Variants in NAP1L4 observed in about 807,000 individuals in gnomAD.
NAP1L4 encodes the protein nucleosome assembly protein 1 like 4, also known as nucleosome assembly protein 1-like 4.
A neutral mutation model predicts 58.2 loss-of-function variants in NAP1L4; 15 were observed. The ratio of observed to expected loss-of-function variants is 0.26; its 90% CI spans 0.17 to 0.40. NAP1L4 has a LOEUF of 0.40. Ranked by LOEUF, NAP1L4 falls within the 10% of genes least tolerant of loss-of-function variation. The pLI is 1.00. For missense variants in NAP1L4, 384 were observed against 451.1 expected, an observed-to-expected ratio of 0.85 and a Z score of 1.35; for synonymous variants, 171 against 155.6, an observed-to-expected ratio of 1.10 and a Z score of -0.74.
At chr11:2,982,030 C>T (rs546900208) in intron 1 of NAP1L4, among the ~76,000 whole-genome samples, 2 of 152,290 alleles carry the variant, frequency 1.3e-5, no homozygotes, top group African/African-American at 2.4e-5. Flanking sequence ...GACTTCATAA[C>T]AATTGTTTAA....
rs547211355 is a variant in NAP1L4, at chr11:2,945,289, A to G, written c.*390T>C. On this transcript the variant is annotated 3_prime_UTR_variant, in exon 16 of 16. Coordinates refer to ENST00000380542, the MANE Select transcript of NAP1L4 (RefSeq NM_005969.4). The stretch of plus-strand genomic sequence containing the variant: ...CACCAGACCTCGGCCCTTTTTGCCA[A>G]GTGACCCCCACCCCACCCTGATGTG... The G allele has an allele frequency of 7.2e-6, 2 of 277,964 alleles. No individual in the cohort carries two copies. Among genetic ancestry groups the G allele is most frequent in the East Asian group, 1.2e-4 (2 of 16,290 alleles). 17.2% of individuals were successfully genotyped at this position (277,964 alleles called of 1,614,324 possible).
At chr11:2,983,592 G>GAAAA (rs545028521) in intron 1 of NAP1L4, among the ~76,000 whole-genome samples, 1 of 141,882 alleles carries the variant, frequency 7.0e-6, no homozygotes, top group Non-Finnish European at 1.5e-5. Context: ...CGGTATTCTG[G>GAAAA]AAAAAAAAAA....
At chr11:2,970,797 A>T (rs895762495) in intron 6 of NAP1L4, among the ~76,000 whole-genome samples, 5 of 152,020 alleles carry the variant, frequency 3.3e-5, no homozygotes, top group African/African-American at 1.2e-4. Flanking sequence ...CAGGTTCTAT[A>T]TATTTTTAAA....
intron 1 of NAP1L4, among the ~76,000 whole-genome samples, chr11:2,980,837 C>T (rs61871245): frequency 0.16 from 24,999 of 151,926 alleles, 2,163 homozygotes; most frequent in African/African-American, 0.2. Context: ...AGAAATAAAA[C>T]GTGCTATTTT....
At position 2,958,313 on chromosome 11, in the gene NAP1L4, A is replaced by G. The variant is rs1454642854; in HGVS notation, c.892+86T>C. 6 of 1,394,218 alleles carry G rather than the reference A, an allele frequency of 4.3e-6. No individual in the cohort carries two copies. The South Asian group carries it at 4.7e-5, about 11-fold the overall frequency. The allele number at this position is 1,394,218 out of a possible 1,614,324, so 86.4% of individuals were successfully genotyped here. Reference sequence around the variant, plus strand: ...CACACTTGCCTGAAAAAAGAGGACTAAAGTCTCTGGGTGTTAGGAATCTAT... The same window carrying G: ...CACACTTGCCTGAAAAAAGAGGACTGAAGTCTCTGGGTGTTAGGAATCTAT... On this transcript the variant is annotated intron_variant, in intron 10 of 15. Transcript: ENST00000380542.
rs1846402286 is a variant in NAP1L4 at position 2,954,350 on chromosome 11, C to T, written c.1035+177G>A. On this transcript the variant is annotated intron_variant, in intron 12 of 15. Transcript: ENST00000380542. This position sits in a 1 kb window ranked among gnomAD's most constrained non-coding sequence, Gnocchi z 4.8. ...TGCTTTTCCTGCTCTGTTCCTCAGACTTCTCCTCTTCAAGCGTATTCCCCC... is the reference window on the plus strand; with the variant it reads ...TGCTTTTCCTGCTCTGTTCCTCAGATTTCTCCTCTTCAAGCGTATTCCCCC... 4.3e-6 allele frequency: 4 copies of T among 932,092 alleles called. No homozygotes were observed. In the Admixed American group the frequency reaches 6.3e-5, roughly 15 times the overall value. 57.7% of individuals were successfully genotyped at this position (932,092 alleles called of 1,614,324 possible). A position where few individuals can be genotyped will look rare whatever the true frequency, so the allele number is the denominator to read the frequency against.
chr11:2,978,987 C>A lies in NAP1L4; in HGVS notation c.14+220G>T, dbSNP rs144198438. The stretch of plus-strand genomic sequence containing the variant: ...GGGTGTTAAAGCATGGAGAGCAAAA[C>A]GATTGCTTTCCATAAAAGATCTGTA... On this transcript the variant is annotated intron_variant, in intron 2 of 15. Transcript: ENST00000380542. Among the ~76,000 whole-genome samples the A allele has an allele frequency of 2.0e-4, 30 of 152,304 alleles. 1 individual carries two copies. The highest frequency in any genetic ancestry group is 6.7e-4 in the African/African-American group (28 of 41,556).
At chr11:2,990,958 G>C (rs1848928128) in intron 1 of NAP1L4, 1 of 367,276 alleles carries the variant, frequency 2.7e-6, no homozygotes, top group Non-Finnish European at 5.6e-6. Flanking sequence ...TCTAAGGTAA[G>C]AGAATTTTTA....
chr11:2,979,476 A>C (rs1299391522), intron 1 of NAP1L4, among the ~76,000 whole-genome samples: 2 of 152,164 alleles, frequency 1.3e-5, no homozygotes, highest in Non-Finnish European at 2.9e-5. Flanking sequence ...AACTTTACTC[A>C]TAAAAAAATT....
rs1490963853 is a variant in NAP1L4 at position 2,958,612 on chromosome 11, G to A, written c.747-68C>T. 4 of 1,511,900 alleles carry A rather than the reference G, an allele frequency of 2.6e-6. No individual in the cohort carries two copies. In the South Asian group the frequency reaches 3.7e-5, roughly 14 times the overall value. The allele number at this position is 1,511,900 out of a possible 1,614,324, so 93.7% of individuals were successfully genotyped here. On this transcript the variant is annotated intron_variant, in intron 9 of 15. Coordinates refer to ENST00000380542, the MANE Select transcript of NAP1L4 (RefSeq NM_005969.4). ...AAAAATCCATTACAAATGCATGCAG[G>A]AAGCAAACCACAGCTCTATGCCAAA...
chr11:2,951,629 T>C lies in NAP1L4; in HGVS notation c.1065+151A>G, dbSNP rs1054412940. The C allele has an allele frequency of 6.6e-6, 5 of 757,068 alleles. No homozygotes were observed. The highest frequency in any genetic ancestry group is 3.5e-5 in the African/African-American group (2 of 57,156). 46.9% of individuals were successfully genotyped at this position (757,068 alleles called of 1,614,324 possible). A position where few individuals can be genotyped will look rare whatever the true frequency, so the allele number is the denominator to read the frequency against. ...TGTCACAGCATTTGCTATGCATTTC[T>C]GCTTAGTGTTTTAAGAACATTCTTA... On this transcript the variant is annotated intron_variant, in intron 13 of 15. Coordinates refer to ENST00000380542, the MANE Select transcript of NAP1L4 (RefSeq NM_005969.4). This position sits in a 1 kb window ranked among gnomAD's most constrained non-coding sequence, Gnocchi z 4.0.
rs1392687994 is a variant in NAP1L4 at position 2,945,535 on chromosome 11, C to A, written c.*144G>T. ...AAGCTCTGTCCACGGGATTGTGCTG[C>A]GGCAAGGACCGAGGCCCCGCCCACA... is the stretch of plus-strand genomic sequence containing the variant. On this transcript the variant is annotated 3_prime_UTR_variant, in exon 16 of 16. Coordinates refer to ENST00000380542, the MANE Select transcript of NAP1L4 (RefSeq NM_005969.4). The A allele has an allele frequency of 7.6e-7, 1 of 1,313,202 alleles. No individual in the cohort carries two copies. The highest frequency in any genetic ancestry group is 1.3e-5 in the South Asian group (1 of 77,786). 81.3% of individuals were successfully genotyped at this position (1,313,202 alleles called of 1,614,324 possible). A position where few individuals can be genotyped will look rare whatever the true frequency, so the allele number is the denominator to read the frequency against.
intron 7 of NAP1L4, among the ~76,000 whole-genome samples, chr11:2,968,810 A>G (rs116355017): frequency 0.011 from 1,618 of 152,312 alleles, 34 homozygotes; most frequent in African/African-American, 0.037. Context: ...ACTGACGGCA[A>G]GTCAGTCAGT....
intron 4 of NAP1L4, among the ~76,000 whole-genome samples, chr11:2,975,127 G>C (rs2133983765): frequency 6.7e-6 from 1 of 149,770 alleles, no homozygotes; most frequent in Non-Finnish European, 1.5e-5. Flanking sequence ...ATTATAGATG[G>C]AAGCCCAGTA....
intron 8 of NAP1L4, among the ~76,000 whole-genome samples, chr11:2,961,238 G>GGAGGAGGCGGGGCAT (rs1469437689): frequency 6.6e-6 from 1 of 152,162 alleles, no homozygotes; most frequent in East Asian, 1.9e-4. Context: ...GAAAGGTGGA[G>GGAGGAGGCGGGGCAT]GAGGAGGCGG....
intron 7 of NAP1L4, among the ~76,000 whole-genome samples, chr11:2,969,231 C>T (rs988870329): frequency 9.2e-5 from 14 of 152,090 alleles, no homozygotes; most frequent in Non-Finnish European, 1.8e-4. Flanking sequence ...CCTACCTTGA[C>T]CTCCCAAAGT....
At chr11:2,981,042 C>T (rs1234940001) in intron 1 of NAP1L4, among the ~76,000 whole-genome samples, 1 of 151,908 alleles carries the variant, frequency 6.6e-6, no homozygotes, top group Non-Finnish European at 1.5e-5. Flanking sequence ...CCAGCCTGGG[C>T]AACATGGGGA....
intron 1 of NAP1L4, 32 bp from the exon 2 acceptor site, chr11:2,979,269 T>A: frequency 6.4e-7 from 1 of 1,553,086 alleles, no homozygotes; most frequent in Admixed American, 1.8e-5. Flanking sequence ...AATAATTATA[T>A]TCATAAGCAA....
At chr11:2,961,253 T>C (rs1257946315) in intron 8 of NAP1L4, among the ~76,000 whole-genome samples, 1 of 152,078 alleles carries the variant, frequency 6.6e-6, no homozygotes, top group East Asian at 1.9e-4. Flanking sequence ...AGGCGGGGCA[T>C]GAGGGCTTAG....
Sources: gnomAD v4.1 joint callset for allele counts (sites outside exome capture counted in the v4.1 genomes callset) on GRCh38, gnomAD v4.1.1 for gene constraint, Gnocchi (gnomAD v3.1) non-coding constraint, MANE v1.5 for transcripts, NCBI Gene and HGNC (gene_info 2026-07-23, HGNC 2026-07-21) for gene names.